FUT8: variants seen among roughly 807,000 people sequenced by gnomAD.
FUT8 encodes fucosyltransferase 8.
A neutral mutation model predicts 71.3 loss-of-function variants in FUT8; 29 were observed. That is an observed-to-expected ratio of 0.41 (90% confidence interval 0.30 to 0.55). The LOEUF is 0.55. Ranked by LOEUF, FUT8 falls within the 20% of genes least tolerant of loss-of-function variation. The pLI is 0.34. For synonymous variants in FUT8, 254 were observed against 239.3 expected (o/e 1.06, Z -0.57); for missense variants, 544 against 702.1 (o/e 0.77, Z 2.55).
intron 5 of FUT8, among the ~76,000 whole-genome samples, chr14:65,617,989 C>A (rs1889371745): frequency 7.7e-6 from 1 of 130,676 alleles, no homozygotes; most frequent in African/African-American, 2.8e-5. Flanking sequence ...TTTAATTTTC[C>A]AGTGTTTTTA....
At chr14:65,502,841 G>A (rs888999571) in intron 2 of FUT8, among the ~76,000 whole-genome samples, 2 of 152,130 alleles carry the variant, frequency 1.3e-5, no homozygotes, top group African/African-American at 4.8e-5. Context: ...TGAGGATCTT[G>A]GTAAAATACT....
At position 65,434,780 on chromosome 14, in the gene FUT8, C is replaced by T. The variant is rs185864804; in HGVS notation, c.-325-20841C>T. Among the ~76,000 whole-genome samples, 5 of 151,966 alleles carry T rather than the reference C, an allele frequency of 3.3e-5. No homozygotes were observed. The East Asian group carries it at 9.7e-4, about 29-fold the overall frequency. On this transcript the variant is annotated intron_variant, in intron 1 of 10. Coordinates refer to ENST00000673929, the MANE Select transcript of FUT8 (RefSeq NM_001371533.1). ...TTTGTAGATCTGGTAGTGAAAAGCC[C>T]CCCCACCTTTTTTTTCTTTTATCCC...
chr14:65,641,163 T>C lies in FUT8; in HGVS notation c.597+11557T>C, dbSNP rs1271879430. Reference sequence around the variant, plus strand: ...TGAAGTGTGCTCATGTCCGTTTGTGTTTCCTCCACCACTTCCCACCTTCAT... The same window carrying C: ...TGAAGTGTGCTCATGTCCGTTTGTGCTTCCTCCACCACTTCCCACCTTCAT... On this transcript the variant is annotated intron_variant, in intron 6 of 10. Coordinates refer to ENST00000673929, the MANE Select transcript of FUT8 (RefSeq NM_001371533.1). 2.0e-5 allele frequency among the ~76,000 whole-genome samples: 3 copies of C among 152,148 alleles called. No homozygotes were observed. The East Asian group carries it at 5.8e-4, about 29-fold the overall frequency.
intron 2 of FUT8, among the ~76,000 whole-genome samples, chr14:65,506,868 G>A (rs557591535): frequency 1.6e-4 from 24 of 152,250 alleles, no homozygotes; most frequent in South Asian, 6.2e-4. Context: ...ACCAGCTGCC[G>A]GGGTCTGCCC....
At position 65,439,954 on chromosome 14, in the gene FUT8, G is replaced by GTGTACGTGTATATA; in HGVS notation, c.-325-15666_-325-15665insGTACGTGTATATAT. Among the ~76,000 whole-genome samples, 4 of 74,984 alleles carry GTGTACGTGTATATA rather than the reference G, an allele frequency of 5.3e-5. 1 individual carries two copies. Among genetic ancestry groups the GTGTACGTGTATATA allele is most frequent in the Admixed American group, 3.3e-4 (2 of 6,134 alleles). The allele number at this position is 74,984 out of a possible 152,430, so 49.2% of individuals were successfully genotyped here. A position where few individuals can be genotyped will look rare whatever the true frequency, so the allele number is the denominator to read the frequency against. On this transcript the variant is annotated intron_variant, in intron 1 of 10. Transcript: ENST00000673929. Reference sequence around the variant, plus strand: ...ATAAAGAAAATGTGTGTGTGTGTGTGTATATATATATATATATATATATAT... The same window carrying GTGTACGTGTATATA: ...ATAAAGAAAATGTGTGTGTGTGTGTGTGTACGTGTATATATATATATATATATATATATATATAT...
rs2066169078 is a variant in FUT8, at chr14:65,472,804, T to C, written c.-228+17086T>C. Reference sequence around the variant, plus strand: ...AGAATAAGGTAATGTTTATTCTTATTTTTTTTGTGATATGGTAAAAAACTT... The same window carrying C: ...AGAATAAGGTAATGTTTATTCTTATCTTTTTTGTGATATGGTAAAAAACTT... On this transcript the variant is annotated intron_variant, in intron 2 of 10. Coordinates refer to ENST00000673929, the MANE Select transcript of FUT8 (RefSeq NM_001371533.1). The surrounding 1 kb of genome is among the most constrained non-coding windows in gnomAD (Gnocchi z 4.4). Among the ~76,000 whole-genome samples the C allele has an allele frequency of 6.6e-6, 1 of 152,140 alleles. No individual in the cohort carries two copies. The highest frequency in any genetic ancestry group is 2.4e-5 in the African/African-American group (1 of 41,540).
At chr14:65,432,310 T>G (rs1182385247) in intron 1 of FUT8, among the ~76,000 whole-genome samples, 3 of 152,224 alleles carry the variant, frequency 2.0e-5, no homozygotes, top group Non-Finnish European at 4.4e-5. Flanking sequence ...AGCTGGAGAT[T>G]GTCATCTAAT....
intron 10 of FUT8, among the ~76,000 whole-genome samples, chr14:65,740,106 T>C (rs1896419590): frequency 6.6e-6 from 1 of 152,060 alleles, no homozygotes; most frequent in African/African-American, 2.4e-5. Context: ...ATTCAAAAGT[T>C]CCAAATCTTT....
intron 7 of FUT8, among the ~76,000 whole-genome samples, chr14:65,675,425 G>T (rs1419188060): frequency 6.6e-6 from 1 of 152,046 alleles, no homozygotes; most frequent in Non-Finnish European, 1.5e-5. Flanking sequence ...AATAAAACAA[G>T]ATCTGTAATG....
intron 2 of FUT8, among the ~76,000 whole-genome samples, chr14:65,508,698 C>T (rs1459485061): frequency 1.3e-5 from 2 of 151,698 alleles, no homozygotes; most frequent in African/African-American, 4.8e-5. Context: ...GACGGAGTTT[C>T]ACCATGTTGG....
At chr14:65,469,981 T>G (rs1364744092) in intron 2 of FUT8, among the ~76,000 whole-genome samples, 1 of 152,168 alleles carries the variant, frequency 6.6e-6, no homozygotes, top group African/African-American at 2.4e-5. Flanking sequence ...GTGGGGTCTA[T>G]CTGGGGACGT....
At chr14:65,723,152 T>TAA (rs56003211) in intron 8 of FUT8, among the ~76,000 whole-genome samples, 5 of 123,750 alleles carry the variant, frequency 4.0e-5, no homozygotes, top group Admixed American at 7.9e-5. Context: ...CCCCATCAAT[T>TAA]AAAAAAAAAA....
At chr14:65,650,131 C>T (rs1444748361) in intron 6 of FUT8, among the ~76,000 whole-genome samples, 2 of 151,670 alleles carry the variant, frequency 1.3e-5, no homozygotes, top group Admixed American at 1.3e-4. Flanking sequence ...CCCGTCTCTA[C>T]TAAAAATACA....
chr14:65,581,349 T>C (rs1373727903), intron 3 of FUT8, among the ~76,000 whole-genome samples: 1 of 152,136 alleles, frequency 6.6e-6, no homozygotes, highest in African/African-American at 2.4e-5. Context: ...TGAGTCATCT[T>C]TGGGATTTTA....
chr14:65,690,359 C>G (rs1197373035), intron 7 of FUT8, among the ~76,000 whole-genome samples: 1 of 152,064 alleles, frequency 6.6e-6, no homozygotes, highest in East Asian at 1.9e-4. Flanking sequence ...TATATTAACT[C>G]TTTTGGGTGT....
intron 7 of FUT8, among the ~76,000 whole-genome samples, chr14:65,696,027 T>G (rs967150496): frequency 7.9e-5 from 12 of 152,180 alleles, no homozygotes; most frequent in Middle Eastern, 6.8e-3. Context: ...TATAACAGAG[T>G]ATTCCTAATT....
In FUT8 at chr14:65,567,648, A is replaced by G. The variant is rs74058519; in HGVS notation, c.203+5882A>G. On this transcript the variant is annotated intron_variant, in intron 3 of 10. Transcript: ENST00000673929. ...ATGATATCTGCCTTTTGCTTTTTCA[A>G]TCTTGTATCCATTATTCCTCATGTT... 8.0e-3 allele frequency among the ~76,000 whole-genome samples: 1,219 copies of G among 151,952 alleles called. 9 individuals carry two copies. Among genetic ancestry groups the G allele is most frequent in the African/African-American group, 0.024 (1,012 of 41,510 alleles).
At chr14:65,641,693 A>C (rs1013416143) in intron 6 of FUT8, among the ~76,000 whole-genome samples, 2 of 147,846 alleles carry the variant, frequency 1.4e-5, no homozygotes, top group African/African-American at 5.0e-5. Flanking sequence ...TATCTTTTAA[A>C]TTTTAGCTAT....
the FUT8 span, among the ~76,000 whole-genome samples, chr14:65,403,366 A>T: frequency 2.0e-5 from 3 of 152,252 alleles, no homozygotes; most frequent in Non-Finnish European, 2.9e-5. Flanking sequence ...TAGAATCAAC[A>T]TTCTGAACCA....
Sources: gnomAD v4.1 joint callset for allele counts (sites outside exome capture counted in the v4.1 genomes callset) on GRCh38, gnomAD v4.1.1 for gene constraint, Gnocchi (gnomAD v3.1) non-coding constraint, MANE v1.5 for transcripts, NCBI Gene and HGNC (gene_info 2026-07-23, HGNC 2026-07-21) for gene names.